The following SUPT3H variants were observed in gnomAD, a reference collection of about 807,000 sequenced individuals.
SUPT3H encodes transcription initiation protein SPT3 homolog.
In SUPT3H, 44 loss-of-function variants were observed where a neutral mutation model predicts 44.3. The ratio of observed to expected loss-of-function variants is 0.99; its 90% confidence interval spans 0.78 to 1.28. SUPT3H has a LOEUF of 1.28. Among genes scored for constraint, SUPT3H ranks in the 50% most tolerant of loss-of-function variants. The pLI, the probability that SUPT3H is intolerant of heterozygous loss-of-function variation, is 0.00. For missense variants in SUPT3H, 380 were observed against 387.1 expected (o/e 0.98, Z 0.15); for synonymous variants, 124 against 125.6 (o/e 0.99, Z 0.09).
At chr6:44,980,450 A>C (rs1273543051) in intron 6 of SUPT3H, among the ~76,000 whole-genome samples, 1 of 152,206 alleles carries the variant, frequency 6.6e-6, no homozygotes, top group African/African-American at 2.4e-5. Flanking sequence ...TATTGTACTA[A>C]GGATTCCCAT....
intron 2 of SUPT3H, among the ~76,000 whole-genome samples, chr6:45,286,273 G>A (rs551270941): frequency 6.6e-6 from 1 of 152,192 alleles, no homozygotes; most frequent in East Asian, 1.9e-4. Flanking sequence ...AAGAGCTTCT[G>A]CACAACAAAA....
intron 2 of SUPT3H, among the ~76,000 whole-genome samples, chr6:45,147,425 A>C (rs1806258244): frequency 6.6e-6 from 1 of 152,102 alleles, no homozygotes; most frequent in South Asian, 2.1e-4. Context: ...TAACTGGACA[A>C]CTAGTATATG....
At chr6:45,269,976 A>T (rs1204119576) in intron 2 of SUPT3H, among the ~76,000 whole-genome samples, 1 of 152,100 alleles carries the variant, frequency 6.6e-6, no homozygotes, top group Non-Finnish European at 1.5e-5. Context: ...GCAACCACGG[A>T]TCTATCCTGT....
rs923292306 is a variant in SUPT3H at position 45,037,690 on chromosome 6, TA to T, written c.187-17059del. 6.8e-5 allele frequency among the ~76,000 whole-genome samples: 10 copies of T among 147,656 alleles called. No individual in the cohort carries two copies. The East Asian group carries it at 9.9e-4, about 15-fold the overall frequency. On this transcript the variant is annotated intron_variant, in intron 3 of 10. Coordinates refer to ENST00000371459, the MANE Select transcript of SUPT3H (RefSeq NM_003599.4). ...AAAATTAAATAATTAATTAATTAAA[TA>T]AAAAAATGAAAGAAATATATGAGAA...
At chr6:45,078,249 T>G (rs1795285042) in intron 3 of SUPT3H, among the ~76,000 whole-genome samples, 1 of 152,214 alleles carries the variant, frequency 6.6e-6, no homozygotes, top group African/African-American at 2.4e-5. Flanking sequence ...CTTTTTTGTT[T>G]GTATATCTGC....
intron 2 of SUPT3H, among the ~76,000 whole-genome samples, chr6:45,283,566 G>A (rs1394238744): frequency 6.6e-6 from 1 of 151,644 alleles, no homozygotes; most frequent in Non-Finnish European, 1.5e-5. Flanking sequence ...CCCAATACAG[G>A]AGCACCCAGA....
intron 2 of SUPT3H, among the ~76,000 whole-genome samples, chr6:45,348,599 C>T (rs966219103): frequency 6.1e-5 from 9 of 148,208 alleles, no homozygotes; most frequent in African/African-American, 2.0e-4. Context: ...CACTTGAATC[C>T]GGGAGGTGGA....
intron 3 of SUPT3H, among the ~76,000 whole-genome samples, chr6:45,024,726 G>T (rs1299536610): frequency 6.6e-6 from 1 of 152,204 alleles, no homozygotes; most frequent in Non-Finnish European, 1.5e-5. Context: ...GACTATGAGG[G>T]TGTTTCTGGA....
intron 10 of SUPT3H, among the ~76,000 whole-genome samples, chr6:44,926,804 A>G (rs1292785117): frequency 3.9e-5 from 6 of 152,178 alleles, no homozygotes; most frequent in Non-Finnish European, 2.9e-5. Flanking sequence ...TGCTCAACAA[A>G]TATTAGCTGC....
At chr6:44,908,610 G>A (rs374974586) in intron 10 of SUPT3H, among the ~76,000 whole-genome samples, 38 of 152,130 alleles carry the variant, frequency 2.5e-4, no homozygotes, top group African/African-American at 7.5e-4. Context: ...TGCCAACTAC[G>A]CAATCTAGCT....
intron 2 of SUPT3H, among the ~76,000 whole-genome samples, chr6:45,142,131 T>C (rs1243040354): frequency 1.3e-5 from 2 of 152,168 alleles, no homozygotes; most frequent in Non-Finnish European, 2.9e-5. Flanking sequence ...GCCAAGCATT[T>C]TGTATCCAGG....
intron 2 of SUPT3H, among the ~76,000 whole-genome samples, chr6:45,358,945 AGGCTGATG>A (rs1482485580): frequency 6.6e-6 from 1 of 152,182 alleles, no homozygotes; most frequent in Non-Finnish European, 1.5e-5. Flanking sequence ...CTGCAATTTT[AGGCTGATG>A]GGTCTGTGAA....
intron 2 of SUPT3H, among the ~76,000 whole-genome samples, chr6:45,226,482 T>C (rs774839651): frequency 1.3e-5 from 2 of 152,072 alleles, no homozygotes; most frequent in Non-Finnish European, 2.9e-5. Context: ...GTGGGAGGAC[T>C]GCTTGAGGCC....
chr6:45,312,537 A>C (rs1001295698), intron 2 of SUPT3H, among the ~76,000 whole-genome samples: 1 of 151,674 alleles, frequency 6.6e-6, no homozygotes, highest in Non-Finnish European at 1.5e-5. Context: ...AAAGACAAAA[A>C]GGGACATTAT....
At chr6:45,245,033 C>T (rs1245947752) in intron 2 of SUPT3H, among the ~76,000 whole-genome samples, 1 of 151,984 alleles carries the variant, frequency 6.6e-6, no homozygotes, top group Non-Finnish European at 1.5e-5. Context: ...CTAGCTTTAC[C>T]TTCGAGCATT....
At chr6:45,184,888 A>C (rs966285967) in intron 2 of SUPT3H, among the ~76,000 whole-genome samples, 1 of 152,122 alleles carries the variant, frequency 6.6e-6, no homozygotes, top group Non-Finnish European at 1.5e-5. Flanking sequence ...TGGCAGTATC[A>C]GCCAATCATC....
chr6:44,832,687 T>C (rs966746348), intron 10 of SUPT3H, among the ~76,000 whole-genome samples: 2 of 152,168 alleles, frequency 1.3e-5, no homozygotes, highest in African/African-American at 4.8e-5. Flanking sequence ...TAGGAATTCA[T>C]AGTTCCCATT....
At chr6:45,169,342 A>T (rs531389548) in intron 2 of SUPT3H, among the ~76,000 whole-genome samples, 1 of 152,290 alleles carries the variant, frequency 6.6e-6, no homozygotes, top group South Asian at 2.1e-4. Context: ...ATCATTCTAA[A>T]TTATTAAAAT....
chr6:44,972,585 G>A (rs1777744495), intron 6 of SUPT3H, among the ~76,000 whole-genome samples: 1 of 152,218 alleles, frequency 6.6e-6, no homozygotes, highest in Non-Finnish European at 1.5e-5. Context: ...CCCCAGTAGG[G>A]ACCTGTGTGG....
Sources: allele counts gnomAD v4.1 joint callset (sites outside exome capture counted in the v4.1 genomes callset), GRCh38; gene constraint gnomAD v4.1.1; transcripts MANE v1.5; gene names NCBI Gene and HGNC (gene_info 2026-07-23, HGNC 2026-07-21).